TLN2: variants seen among roughly 807,000 people sequenced by gnomAD.
TLN2 encodes the protein talin 2.
Under a neutral mutation model 294.7 loss-of-function variants are expected in TLN2, and 118 were observed. That is an observed-to-expected ratio of 0.40 (90% confidence interval 0.34 to 0.47). The LOEUF is 0.47. TLN2 is among the 20% of genes least tolerant of loss of function. TLN2 has a pLI of 0.84. For synonymous variants in TLN2, 1,431 were observed against 1,304.5 expected (o/e 1.10, Z -2.09); for missense variants, 3,083 against 3,282.2 (o/e 0.94, Z 1.48).
rs552503220 is a variant in TLN2 at position 62,637,343 on chromosome 15, G to A, written c.-36-9932G>A. On this transcript the variant is annotated intron_variant, in intron 3 of 58. Coordinates refer to ENST00000636159, the MANE Select transcript of TLN2 (RefSeq NM_015059.3). The stretch of plus-strand genomic sequence containing the variant: ...TTCAGTTTAGAGCCACCTTCTTTCT[G>A]AAGCTTGTAACAAGAGGAGGAAAAT... The A allele has an allele frequency of 3.3e-5, 5 of 152,304 alleles. No individual in the cohort carries two copies. In the South Asian group the frequency reaches 8.3e-4, roughly 25 times the overall value. 9.4% of individuals were successfully genotyped at this position (152,304 alleles called of 1,614,324 possible).
intron 22 of TLN2, among the ~76,000 whole-genome samples, chr15:62,715,145 G>T (rs1396216077): frequency 6.6e-6 from 1 of 152,214 alleles, no homozygotes; most frequent in Non-Finnish European, 1.5e-5. Context: ...CAAGAGGGTT[G>T]CCAAAAGAAT....
chr15:62,826,406 C>T (rs1388937410), intron 54 of TLN2, among the ~76,000 whole-genome samples: 2 of 152,206 alleles, frequency 1.3e-5, no homozygotes, highest in African/African-American at 4.8e-5. Flanking sequence ...TCCCCAGTCA[C>T]AGGCACAGCC....
chr15:62,819,480 T>C (rs1404025842), intron 52 of TLN2, 36 bp from the exon 53 acceptor site: 6 of 1,546,772 alleles, frequency 3.9e-6, no homozygotes, highest in Non-Finnish European at 5.4e-6. Flanking sequence ...GTGGTTACTA[T>C]CCCCCTCATG....
chr15:62,547,588 T>G (rs2042064442), intron 1 of TLN2, among the ~76,000 whole-genome samples: 2 of 152,242 alleles, frequency 1.3e-5, no homozygotes, highest in Admixed American at 6.5e-5. Context: ...TAAAAGACTT[T>G]GAAGGTGGCT....
At chr15:62,494,466 A>C (rs1326316767) in intron 1 of TLN2, among the ~76,000 whole-genome samples, 1 of 151,872 alleles carries the variant, frequency 6.6e-6, no homozygotes, top group Admixed American at 6.6e-5. Context: ...AAATGGCTAC[A>C]CTTTGTTAAC....
intron 1 of TLN2, among the ~76,000 whole-genome samples, chr15:62,559,450 G>A (rs1387651554): frequency 1.3e-5 from 2 of 152,176 alleles, no homozygotes; most frequent in Non-Finnish European, 2.9e-5. Flanking sequence ...TTGGAGAACT[G>A]TCTCTTCTAA....
intron 1 of TLN2, among the ~76,000 whole-genome samples, chr15:62,475,219 CATTTCTTCAAGTTA>C (rs1669343801): frequency 6.6e-6 from 1 of 152,114 alleles, no homozygotes; most frequent in African/African-American, 2.4e-5. Flanking sequence ...TAATGACTTT[CATTTCTTCAAGTTA>C]AGAAAATAAA....
At chr15:62,519,644 G>C (rs1333668044) in intron 1 of TLN2, among the ~76,000 whole-genome samples, 1 of 152,218 alleles carries the variant, frequency 6.6e-6, no homozygotes, top group African/African-American at 2.4e-5. Flanking sequence ...ATTGGTAAAG[G>C]AGAGTGGGTC....
At chr15:62,763,991 G>A (rs905020956) in intron 40 of TLN2, among the ~76,000 whole-genome samples, 2 of 152,142 alleles carry the variant, frequency 1.3e-5, no homozygotes, top group African/African-American at 4.8e-5. Flanking sequence ...GGGTACGGTG[G>A]GTACCGTGTT....
At chr15:62,508,110 GATGA>G (rs1262106135) in intron 1 of TLN2, among the ~76,000 whole-genome samples, 1 of 152,088 alleles carries the variant, frequency 6.6e-6, no homozygotes, top group African/African-American at 2.4e-5. Flanking sequence ...ATTTGGTAGA[GATGA>G]ATGAAGATAC....
intron 3 of TLN2, among the ~76,000 whole-genome samples, chr15:62,642,219 A>G (rs1371026823): frequency 1.3e-5 from 2 of 152,266 alleles, no homozygotes; most frequent in African/African-American, 4.8e-5. Flanking sequence ...CTTTGAGTAA[A>G]GAAAAAACAA....
intron 42 of TLN2, among the ~76,000 whole-genome samples, chr15:62,771,689 C>G (rs2063358658): frequency 6.6e-6 from 1 of 152,152 alleles, no homozygotes; most frequent in South Asian, 2.1e-4. Context: ...ATAGCATATG[C>G]AAAGGCATAG....
At chr15:62,655,284 G>GGC (rs2053081807) in intron 7 of TLN2, among the ~76,000 whole-genome samples, 1 of 152,188 alleles carries the variant, frequency 6.6e-6, no homozygotes, top group African/African-American at 2.4e-5. Context: ...GCCCAGAGAG[G>GGC]AGTGTTGGAG....
intron 11 of TLN2, among the ~76,000 whole-genome samples, chr15:62,680,634 G>T (rs886711150): frequency 1.3e-5 from 2 of 151,404 alleles, no homozygotes; most frequent in African/African-American, 2.4e-5. Flanking sequence ...TGTTACATGG[G>T]TGAATTATAT....
intron 2 of TLN2, among the ~76,000 whole-genome samples, chr15:62,612,765 A>G (rs2048015707): frequency 6.6e-6 from 1 of 152,186 alleles, no homozygotes; most frequent in Non-Finnish European, 1.5e-5. Flanking sequence ...GGATTGCGTT[A>G]ATCAACATCT....
intron 1 of TLN2, among the ~76,000 whole-genome samples, chr15:62,571,680 T>A (rs1284086028): frequency 1.3e-5 from 2 of 152,214 alleles, no homozygotes; most frequent in African/African-American, 2.4e-5. Flanking sequence ...ATCTCCAATT[T>A]TCAATGCATG....
At chr15:62,406,103 C>T (rs1273646175) in intron 1 of TLN2, among the ~76,000 whole-genome samples, 2 of 152,070 alleles carry the variant, frequency 1.3e-5, no homozygotes, top group Non-Finnish European at 2.9e-5. Flanking sequence ...TGGAAGCTGA[C>T]GGATTGTATT....
At chr15:62,519,982 G>T (rs917789611) in intron 1 of TLN2, among the ~76,000 whole-genome samples, 3 of 152,206 alleles carry the variant, frequency 2.0e-5, no homozygotes, top group Admixed American at 2.0e-4. Context: ...GGTGGAAGGC[G>T]AAAGGCACGT....
At chr15:62,832,231 TG>T (rs1014635325) in intron 54 of TLN2, 77 of 152,084 alleles carry the variant, frequency 5.1e-4, no homozygotes, top group African/African-American at 1.7e-3. Context: ...ATGTCCGTAA[TG>T]CCACTGAATT....
Sources: gnomAD v4.1 joint callset for allele counts (sites outside exome capture counted in the v4.1 genomes callset) on GRCh38, gnomAD v4.1.1 for gene constraint, MANE v1.5 for transcripts, NCBI Gene and HGNC (gene_info 2026-07-23, HGNC 2026-07-21) for gene names.